Variants in PARP4 observed in about 807,000 individuals in gnomAD.
PARP4 encodes poly(ADP-ribose) polymerase family member 4.
Under a neutral mutation model 187.7 loss-of-function variants are expected in PARP4, and 120 were observed. The observed-to-expected ratio is 0.64, with a 90% CI of 0.55 to 0.74. The LOEUF is 0.74. Ranked by LOEUF, PARP4 falls within the 30% of genes least tolerant of loss-of-function variation. PARP4 has a pLI of 0.00. For missense variants in PARP4, 1,836 were observed against 2,070.5 expected, an observed-to-expected ratio of 0.89 and a Z score of 2.20; for synonymous variants, 654 against 740.9, an observed-to-expected ratio of 0.88 and a Z score of 1.90.
chr13:24,476,028 C>G (rs1307959586), intron 14 of PARP4, among the ~76,000 whole-genome samples: 1 of 152,144 alleles, frequency 6.6e-6, no homozygotes, highest in African/African-American at 2.4e-5. Flanking sequence ...CTCAAGGGAT[C>G]TACCTGCCTT....
chr13:24,475,709 G>A (rs7995190), intron 14 of PARP4, 113 bp from the exon 15 acceptor site: 568,517 of 1,051,366 alleles, frequency 0.54, 154,644 homozygotes, highest in South Asian at 0.64. Context: ...GGGAAAATGG[G>A]CAAATAGCAT....
intron 15 of PARP4, among the ~76,000 whole-genome samples, chr13:24,474,884 T>A (rs1407346233): frequency 2.0e-5 from 3 of 152,102 alleles, no homozygotes; most frequent in African/African-American, 7.2e-5. Flanking sequence ...CTCACCTCTC[T>A]GACTCAGTCC....
At chr13:24,427,697 C>T (rs905820594) in intron 32 of PARP4, among the ~76,000 whole-genome samples, 12 of 151,984 alleles carry the variant, frequency 7.9e-5, no homozygotes, top group African/African-American at 2.4e-4. Flanking sequence ...CAAAACTGCT[C>T]GTAAGTGGGC....
chr13:24,504,758 AT>A (rs1203055545), intron 1 of PARP4, among the ~76,000 whole-genome samples: 2 of 148,988 alleles, frequency 1.3e-5, no homozygotes, highest in Non-Finnish European at 3.0e-5. Flanking sequence ...CACTATTGCA[AT>A]TTTGGCTTAC....
intron 1 of PARP4, among the ~76,000 whole-genome samples, chr13:24,506,852 G>A (rs965806137): frequency 1.3e-5 from 2 of 152,208 alleles, no homozygotes; most frequent in Non-Finnish European, 2.9e-5. Flanking sequence ...CGATGGGACC[G>A]GGCGCCGGCC....
At chr13:24,469,253 C>A in intron 16 of PARP4, 143 bp from the exon 17 acceptor site, 1 of 621,848 alleles carries the variant, frequency 1.6e-6, no homozygotes, top group Non-Finnish European at 2.9e-6. Flanking sequence ...ATGAAGTGAT[C>A]ATCGAAATAT....
chr13:24,469,802 T>C, intron 16 of PARP4, 92 bp downstream of exon 16: 1 of 1,351,608 alleles, frequency 7.4e-7, no homozygotes, highest in Non-Finnish European at 1.0e-6. Context: ...TACTCAACCT[T>C]GTAGCCATGG....
intron 12 of PARP4, among the ~76,000 whole-genome samples, chr13:24,479,247 G>A (rs1873140141): frequency 6.6e-6 from 1 of 151,508 alleles, no homozygotes; most frequent in African/African-American, 2.4e-5. Flanking sequence ...ACCCTTCTTT[G>A]TTTCACCTAC....
In PARP4 at chr13:24,490,800, TCA is replaced by T; in HGVS notation, c.1080_1081del (p.Cys360Ter). On this transcript the variant is annotated stop_gained and frameshift_variant, in exon 10 of 34. Coordinates refer to ENST00000381989, the MANE Select transcript of PARP4 (RefSeq NM_006437.4). LOFTEE classifies it high-confidence loss of function. ...TGGGTTGGGTTTGGACAAATTAGTTTCACAGACATTAACCATGTCTCTTATTA... is the reference window on the plus strand; with the variant it reads ...TGGGTTGGGTTTGGACAAATTAGTTTCAGACATTAACCATGTCTCTTATTA... The T allele has an allele frequency of 1.2e-6, 2 of 1,614,126 alleles. No homozygotes were observed. The highest frequency in any genetic ancestry group is 1.7e-6 in the Non-Finnish European group (2 of 1,179,988).
chr13:24,484,549 G>C, intron 12 of PARP4, 104 bp downstream of exon 12: 1 of 752,500 alleles, frequency 1.3e-6, no homozygotes, highest in South Asian at 1.5e-5. Context: ...ATATATAATA[G>C]ATAAATCTGT....
intron 31 of PARP4, among the ~76,000 whole-genome samples, chr13:24,433,104 C>G (rs1870433334): frequency 6.6e-6 from 1 of 152,170 alleles, no homozygotes; most frequent in South Asian, 2.1e-4. Context: ...GCGTAACGTC[C>G]TCTGGAATGT....
intron 30 of PARP4, among the ~76,000 whole-genome samples, chr13:24,438,152 T>A (rs115070000): frequency 1.3e-3 from 204 of 152,340 alleles, no homozygotes; most frequent in African/African-American, 4.8e-3. Flanking sequence ...CATACTCACA[T>A]CTTGATCACC....
At chr13:24,453,541 A>T (rs1415592001) in intron 23 of PARP4, 46 bp downstream of exon 23, 1 of 1,194,650 alleles carries the variant, frequency 8.4e-7, no homozygotes, top group Non-Finnish European at 1.3e-6. Flanking sequence ...CCCTTAAAGC[A>T]TGGTAGGAAA....
intron 31 of PARP4, among the ~76,000 whole-genome samples, chr13:24,432,449 T>C (rs572366216): frequency 3.3e-5 from 5 of 152,340 alleles, no homozygotes; most frequent in Non-Finnish European, 7.3e-5. Flanking sequence ...GAGTTAAATA[T>C]ACACCTGTGA....
rs772113644 is a variant in PARP4, at chr13:24,493,720, T to G, written c.755A>C (p.Glu252Ala). The G allele has an allele frequency of 1.2e-6, 2 of 1,613,346 alleles. No homozygotes were observed. The highest frequency in any genetic ancestry group is 2.2e-5 in the South Asian group (2 of 90,936). ...GCTCAGAGTGCTTGAATTCATGACT[T>G]CCTCCAAAAGCAACTACAATAATAA... Reference protein sequence around the residue: ...SEQLQALLLEEVMNSSTLSQE... With the variant: ...SEQLQALLLEAVMNSSTLSQE... The change falls in exon 8 of 34, where the codon GAA becomes GCA. Residue 252 changes from glutamate (E) to alanine (A), a missense_variant. By Grantham distance (107) the Glu-to-Ala change is moderately radical. Transcript: ENST00000381989.
chr13:24,457,135 T>C (rs1243027543), intron 20 of PARP4, among the ~76,000 whole-genome samples: 8 of 151,934 alleles, frequency 5.3e-5, no homozygotes, highest in Admixed American at 3.9e-4. Context: ...AAGACTAAAA[T>C]AGAAAATTCA....
intron 27 of PARP4, among the ~76,000 whole-genome samples, chr13:24,445,060 C>A (rs1209517743): frequency 6.6e-6 from 1 of 152,118 alleles, no homozygotes; most frequent in Non-Finnish European, 1.5e-5. Flanking sequence ...CACAACCTGT[C>A]CCCACCTCCC....
Position 24,449,779 on chromosome 13 carries a change from T to A in PARP4, c.3053A>T (p.Gln1018Leu), listed in dbSNP as rs1871410255. 1 of 1,611,316 alleles carries A rather than the reference T, an allele frequency of 6.2e-7. No individual in the cohort carries two copies. Among genetic ancestry groups the A allele is most frequent in the Non-Finnish European group, 8.5e-7 (1 of 1,177,706 alleles). The change falls in exon 25 of 34, where the codon CAG becomes CTG. Residue 1018 changes from glutamine to leucine, a missense_variant. Around this residue, in one of 8 missense-constraint regions of PARP4, gnomAD observed 56 missense variants for 103.7 expected, o/e 0.54. Transcript: ENST00000381989. The part of the protein sequence containing the change: ...ANRHVLRILS[Q>L]CGAGVFEYFN... The stretch of plus-strand genomic sequence containing the variant: ...ATATTCAAATACTCCGGCACCACAC[T>A]GGGACAAAATCCTTAAGACGTGACG...
chr13:24,452,273 G>A (rs543332661), intron 24 of PARP4, 133 bp downstream of exon 24: 251 of 687,956 alleles, frequency 3.6e-4, no homozygotes, highest in Non-Finnish European at 5.1e-4. Context: ...CTGGGAGCCC[G>A]GAGCCCCATC....
Sources: gnomAD v4.1 joint callset for allele counts (sites outside exome capture counted in the v4.1 genomes callset) on GRCh38, gnomAD v4.1.1 for gene constraint, gnomAD v4.1.1 regional missense constraint, MANE v1.5 for transcripts, NCBI Gene and HGNC (gene_info 2026-07-23, HGNC 2026-07-21) for gene names.